The following MMP26 variants were observed in gnomAD, a reference collection of about 807,000 sequenced individuals.
The protein encoded by MMP26 is matrix metallopeptidase 26.
A neutral mutation model predicts 31.0 loss-of-function variants in MMP26; 33 were observed. That is an observed-to-expected ratio of 1.06 (90% CI 0.81 to 1.42). The LOEUF is 1.42. MMP26 is among the 40% of genes most tolerant of loss of function. The pLI, the probability that MMP26 is intolerant of heterozygous loss-of-function variation, is 0.00. For missense variants in MMP26, 347 were observed against 316.1 expected (o/e 1.10, Z -0.74); for synonymous variants, 122 against 114.9 (o/e 1.06, Z -0.40).
intron 2 of MMP26, among the ~76,000 whole-genome samples, chr11:4,911,572 T>C (rs979561359): frequency 6.6e-6 from 1 of 152,194 alleles, no homozygotes; most frequent in African/African-American, 2.4e-5. Flanking sequence ...CTCTTGCTGT[T>C]CCTAGAACAC....
chr11:4,883,125 C>T (rs1850502951), intron 2 of MMP26, among the ~76,000 whole-genome samples: 1 of 152,076 alleles, frequency 6.6e-6, no homozygotes, highest in South Asian at 2.1e-4. Context: ...GACTCCTGTG[C>T]ATATAAAAGC....
intron 1 of MMP26, among the ~76,000 whole-genome samples, chr11:4,706,699 A>G (rs1320328927): frequency 1.3e-5 from 2 of 152,106 alleles, no homozygotes; most frequent in African/African-American, 4.8e-5. Context: ...AAAATGTTGT[A>G]TATCAGATCT....
At chr11:4,908,538 A>G in intron 2 of MMP26, 3 of 550,984 alleles carry the variant, frequency 5.4e-6, no homozygotes, top group Non-Finnish European at 9.7e-6. Context: ...AAGTTGAAGG[A>G]AAATACTTCT....
At chr11:4,768,270 C>T (rs950592326) in intron 2 of MMP26, among the ~76,000 whole-genome samples, 2 of 152,144 alleles carry the variant, frequency 1.3e-5, no homozygotes, top group Non-Finnish European at 2.9e-5. Flanking sequence ...AGCAAGTGTG[C>T]CTCACCCCTA....
intron 1 of MMP26, among the ~76,000 whole-genome samples, chr11:4,708,597 A>T (rs79412611): frequency 0.025 from 3,821 of 152,322 alleles, 197 homozygotes; most frequent in East Asian, 0.24. Flanking sequence ...ATATGTTAAA[A>T]ACCAAACATT....
At position 4,950,357 on chromosome 11, in the gene MMP26, A is replaced by G. The variant is rs1268096810; in HGVS notation, c.-144-37711A>G. On this transcript the variant is annotated intron_variant, in intron 2 of 7. Coordinates refer to ENST00000380390, the MANE Select transcript of MMP26 (RefSeq NM_021801.5). ...AATAGTACTCAGCCTTAAAAAAAGG[A>G]TGAAATTCTGTCATTTGCTACAACA... Among the ~76,000 whole-genome samples, 2 of 121,762 alleles carry G rather than the reference A, an allele frequency of 1.6e-5. 1 individual carries two copies. Among genetic ancestry groups the G allele is most frequent in the African/African-American group, 5.5e-5 (2 of 36,170 alleles). 79.9% of individuals were successfully genotyped at this position (121,762 alleles called of 152,430 possible). A position where few individuals can be genotyped will look rare whatever the true frequency, so the allele number is the denominator to read the frequency against.
intron 2 of MMP26, chr11:4,924,039 TGAAACA>T (rs1564808157): frequency 6.2e-7 from 1 of 1,613,880 alleles, no homozygotes; most frequent in East Asian, 2.2e-5. Context: ...AAGAGCTGAG[TGAAACA>T]GGCAGGGATG....
At chr11:4,860,484 T>G in intron 2 of MMP26, 1 of 471,084 alleles carries the variant, frequency 2.1e-6, no homozygotes. Flanking sequence ...AGGCCAACCA[T>G]GGGTTCTTGT....
intron 2 of MMP26, among the ~76,000 whole-genome samples, chr11:4,828,337 C>G (rs1268222355): frequency 1.3e-5 from 2 of 152,098 alleles, no homozygotes; most frequent in Admixed American, 1.3e-4. Flanking sequence ...TACTCACTGA[C>G]GATCCATAGT....
chr11:4,730,250 C>T (rs1249229354), intron 1 of MMP26, among the ~76,000 whole-genome samples: 2 of 152,132 alleles, frequency 1.3e-5, no homozygotes, highest in Non-Finnish European at 2.9e-5. Flanking sequence ...TCTTAACTTC[C>T]CCTGTGGGAT....
At chr11:4,989,590 C>A in intron 3 of MMP26, 58 bp from the exon 4 acceptor site, 2 of 1,407,788 alleles carry the variant, frequency 1.4e-6, no homozygotes, top group Middle Eastern at 1.7e-4. Flanking sequence ...CCCAGGGTAA[C>A]TGATATATGG....
chr11:4,777,735 G>A (rs1848807520), intron 2 of MMP26, among the ~76,000 whole-genome samples: 1 of 152,052 alleles, frequency 6.6e-6, no homozygotes, highest in African/African-American at 2.4e-5. Flanking sequence ...TTAACATTGT[G>A]TCTGAGAAAT....
intron 2 of MMP26, among the ~76,000 whole-genome samples, chr11:4,963,675 A>T (rs1846552082): frequency 1.3e-5 from 2 of 152,152 alleles, no homozygotes; most frequent in Admixed American, 1.3e-4. Context: ...GCATGATACA[A>T]TTTGAAAGAT....
At chr11:4,719,049 T>A (rs1417259943) in intron 1 of MMP26, 1 of 157,482 alleles carries the variant, frequency 6.3e-6, no homozygotes, top group Admixed American at 6.5e-5. Context: ...TAGCACAGAT[T>A]TGAGTAGCAA....
intron 2 of MMP26, among the ~76,000 whole-genome samples, chr11:4,789,007 C>A (rs1279856692): frequency 6.6e-6 from 1 of 152,146 alleles, no homozygotes; most frequent in Non-Finnish European, 1.5e-5. Context: ...GAGCCTGATT[C>A]TCTCTTTGTG....
intron 2 of MMP26, among the ~76,000 whole-genome samples, chr11:4,930,858 T>C (rs1052000404): frequency 3.9e-5 from 6 of 151,946 alleles, no homozygotes; most frequent in African/African-American, 1.4e-4. Flanking sequence ...ATATAAATAA[T>C]ATTTACATAC....
At chr11:4,765,639 C>T (rs1398102647) in intron 1 of MMP26, among the ~76,000 whole-genome samples, 1 of 152,188 alleles carries the variant, frequency 6.6e-6, no homozygotes, top group Non-Finnish European at 1.5e-5. Context: ...TCTATTATGT[C>T]AAGGCCTCCT....
chr11:4,913,195 G>A (rs950389386), intron 2 of MMP26: 1 of 152,162 alleles, frequency 6.6e-6, no homozygotes, highest in African/African-American at 2.4e-5. Flanking sequence ...TTTTGGGGTT[G>A]ATGATATCAT....
intron 2 of MMP26, among the ~76,000 whole-genome samples, chr11:4,986,741 C>T (rs1248262427): frequency 1.3e-5 from 2 of 151,220 alleles, no homozygotes; most frequent in Non-Finnish European, 2.9e-5. Flanking sequence ...CTATGTTGGC[C>T]GGGCTGGTCT....
Sources: allele counts gnomAD v4.1 joint callset (sites outside exome capture counted in the v4.1 genomes callset), GRCh38; gene constraint gnomAD v4.1.1; transcripts MANE v1.5; gene names NCBI Gene and HGNC (gene_info 2026-07-23, HGNC 2026-07-21).